The following SPIDR variants were observed in gnomAD, a reference collection of about 807,000 sequenced individuals.
SPIDR encodes DNA repair-scaffolding protein.
A neutral mutation model predicts 104.6 loss-of-function variants in SPIDR; 93 were observed. The observed-to-expected ratio is 0.89, with a 90% CI of 0.75 to 1.06. The LOEUF (loss-of-function observed/expected upper bound fraction) is 1.06. SPIDR is among the 50% of genes least tolerant of loss of function. The pLI is 0.00. For missense variants in SPIDR, 1,154 were observed against 1,111.2 expected, an observed-to-expected ratio of 1.04 and a Z score of -0.55; for synonymous variants, 431 against 416.9, an observed-to-expected ratio of 1.03 and a Z score of -0.41.
intron 3 of SPIDR, among the ~76,000 whole-genome samples, chr8:47,284,555 T>A (rs2038442064): frequency 6.6e-6 from 1 of 152,176 alleles, no homozygotes; most frequent in Non-Finnish European, 1.5e-5. Flanking sequence ...ACTAGAGTAT[T>A]TGAATAAATG....
In SPIDR at chr8:47,579,086, AG is replaced by A. The variant is rs561000035; in HGVS notation, c.1098-16724del. Among the ~76,000 whole-genome samples the A allele has an allele frequency of 9.7e-4, 147 of 152,200 alleles. 1 individual carries two copies. Among genetic ancestry groups the A allele is most frequent in the African/African-American group, 3.1e-3 (130 of 41,520 alleles). ...GTAAATCTGATTTTTGGTGAGGAGGAGTGGTACCCAGTCACTAAATGGCTGG... is the reference window on the plus strand; with the variant it reads ...GTAAATCTGATTTTTGGTGAGGAGGATGGTACCCAGTCACTAAATGGCTGG... On this transcript the variant is annotated intron_variant, in intron 8 of 19. Coordinates refer to ENST00000297423, the MANE Select transcript of SPIDR (RefSeq NM_001080394.4).
chr8:47,565,993 T>TATATATATATATATA (rs1491137131), intron 8 of SPIDR, among the ~76,000 whole-genome samples: 98 of 28,708 alleles, frequency 3.4e-3, no homozygotes, highest in Non-Finnish European at 4.3e-3. Context: ...TATATATATA[T>TATATATATATATATA]TTTTTTTTTT....
intron 10 of SPIDR, among the ~76,000 whole-genome samples, chr8:47,607,453 T>G (rs1411983754): frequency 6.6e-6 from 1 of 152,044 alleles, no homozygotes; most frequent in African/African-American, 2.4e-5. Context: ...TTCTCAGCCC[T>G]GGCTCAATAT....
chr8:47,361,762 G>A (rs2056013511), intron 5 of SPIDR, among the ~76,000 whole-genome samples: 1 of 152,176 alleles, frequency 6.6e-6, no homozygotes, highest in Non-Finnish European at 1.5e-5. Context: ...GTTTAGGGGA[G>A]ATGAGGAATG....
chr8:47,718,332 C>T (rs571138987), intron 16 of SPIDR, among the ~76,000 whole-genome samples: 13 of 152,298 alleles, frequency 8.5e-5, no homozygotes, highest in Non-Finnish European at 1.5e-4. Flanking sequence ...AGGAAACATG[C>T]TCTGATTGGT....
intron 5 of SPIDR, among the ~76,000 whole-genome samples, chr8:47,366,893 C>A (rs2057301537): frequency 6.6e-6 from 1 of 152,130 alleles, no homozygotes; most frequent in Non-Finnish European, 1.5e-5. Context: ...CCATAAAATT[C>A]TTTATTGATG....
chr8:47,374,756 T>C (rs1057364658), intron 5 of SPIDR, among the ~76,000 whole-genome samples: 6 of 152,148 alleles, frequency 3.9e-5, no homozygotes, highest in African/African-American at 1.4e-4. Context: ...AAGAATGTGA[T>C]TTTAAAACAC....
chr8:47,409,541 G>T (rs2063219549), intron 7 of SPIDR, among the ~76,000 whole-genome samples: 1 of 152,086 alleles, frequency 6.6e-6, no homozygotes, highest in Admixed American at 6.5e-5. Flanking sequence ...GGATCATTGG[G>T]ATATACATTT....
chr8:47,565,110 G>T (rs1315003359), intron 8 of SPIDR, among the ~76,000 whole-genome samples: 1 of 152,200 alleles, frequency 6.6e-6, no homozygotes, highest in East Asian at 1.9e-4. Context: ...GCTGGGTGTG[G>T]TGGCACATGC....
At position 47,264,306 on chromosome 8, in the gene SPIDR, G is replaced by A. The variant is rs188422955; in HGVS notation, c.33+3315G>A. ...AGAGGAGGAAACCCATGGTGATTCA[G>A]AAAGTCGAACCTATGAGAAGTGAGA... On this transcript the variant is annotated intron_variant, in intron 1 of 19. Coordinates refer to ENST00000297423, the MANE Select transcript of SPIDR (RefSeq NM_001080394.4). 3.1e-4 allele frequency among the ~76,000 whole-genome samples: 47 copies of A among 152,310 alleles called. 1 individual carries two copies. Among genetic ancestry groups the A allele is most frequent in the Non-Finnish European group, 6.5e-4 (44 of 68,030 alleles).
chr8:47,677,064 A>T (rs1167467164), intron 11 of SPIDR, among the ~76,000 whole-genome samples: 1 of 152,222 alleles, frequency 6.6e-6, no homozygotes, highest in Non-Finnish European at 1.5e-5. Context: ...TGCCAGTCTG[A>T]TGTATGCTCA....
intron 8 of SPIDR, among the ~76,000 whole-genome samples, chr8:47,452,797 G>C (rs550121157): frequency 3.9e-5 from 6 of 152,238 alleles, no homozygotes; most frequent in South Asian, 4.2e-4. Flanking sequence ...TTTGAAAACT[G>C]GCACAAGACA....
At chr8:47,526,346 A>G (rs753764335) in intron 8 of SPIDR, among the ~76,000 whole-genome samples, 15 of 152,240 alleles carry the variant, frequency 9.9e-5, no homozygotes, top group Non-Finnish European at 1.8e-4. Flanking sequence ...TACTATTAAC[A>G]AAGAGCAGAG....
At chr8:47,488,801 G>A (rs533908449) in intron 8 of SPIDR, among the ~76,000 whole-genome samples, 4 of 152,020 alleles carry the variant, frequency 2.6e-5, no homozygotes, top group African/African-American at 7.2e-5. Context: ...AAATTCAACA[G>A]CCCTTCATGC....
At chr8:47,418,212 A>G (rs2064727038) in intron 7 of SPIDR, among the ~76,000 whole-genome samples, 2 of 152,130 alleles carry the variant, frequency 1.3e-5, no homozygotes, top group South Asian at 4.1e-4. Context: ...ATTACCTTGG[A>G]CAGTATGCCC....
intron 8 of SPIDR, among the ~76,000 whole-genome samples, chr8:47,534,414 A>G (rs1259459564): frequency 6.6e-6 from 1 of 152,212 alleles, no homozygotes; most frequent in Non-Finnish European, 1.5e-5. Context: ...GGACAAAGAA[A>G]ATGTACATAT....
chr8:47,713,357 G>A (rs548489067), intron 15 of SPIDR, 132 bp from the exon 16 acceptor site: 37 of 1,289,098 alleles, frequency 2.9e-5, no homozygotes, highest in Non-Finnish European at 3.6e-5. Context: ...CACAATGAAC[G>A]TGCTGCTGGA....
chr8:47,584,148 C>T (rs1048775013), intron 8 of SPIDR, among the ~76,000 whole-genome samples: 3 of 152,102 alleles, frequency 2.0e-5, no homozygotes, highest in Admixed American at 6.6e-5. Context: ...TATTTAGTCA[C>T]GTTATATTTG....
intron 1 of SPIDR, 64 bp downstream of exon 1, chr8:47,261,055 G>C: frequency 8.2e-7 from 1 of 1,223,920 alleles, no homozygotes; most frequent in Non-Finnish European, 1.0e-6. Flanking sequence ...CGGCGGGCCG[G>C]CGCGGGGCTG....
Sources: gnomAD v4.1 joint callset for allele counts (sites outside exome capture counted in the v4.1 genomes callset) on GRCh38, gnomAD v4.1.1 for gene constraint, MANE v1.5 for transcripts, NCBI Gene and HGNC (gene_info 2026-07-23, HGNC 2026-07-21) for gene names.